The following RIMS2 variants were observed in gnomAD, a reference collection of about 807,000 sequenced individuals.
RIMS2 encodes the protein regulating synaptic membrane exocytosis protein 2.
RIMS2 carries 59 observed loss-of-function variants against 174.4 expected under a neutral mutation model. The ratio of observed to expected loss-of-function variants is 0.34; its 90% CI spans 0.27 to 0.42. RIMS2 has a LOEUF of 0.42. Ranked by LOEUF, RIMS2 falls within the 10% of genes least tolerant of loss-of-function variation. The pLI is 1.00. For synonymous variants in RIMS2, 606 were observed against 572.5 expected (o/e 1.06, Z -0.84); for missense variants, 1,620 against 1,666.3 (o/e 0.97, Z 0.48).
At chr8:103,576,907 C>G (rs1221612716) in intron 1 of RIMS2, among the ~76,000 whole-genome samples, 1 of 152,106 alleles carries the variant, frequency 6.6e-6, no homozygotes, top group Admixed American at 6.5e-5. Flanking sequence ...TTCCTTACAC[C>G]TTATACAAAA....
chr8:104,144,828 CT>C (rs1227159179), intron 19 of RIMS2, among the ~76,000 whole-genome samples: 2 of 151,842 alleles, frequency 1.3e-5, no homozygotes, highest in East Asian at 1.9e-4. Context: ...AATATTGCTT[CT>C]TTTTTTTATA....
intron 19 of RIMS2, among the ~76,000 whole-genome samples, chr8:104,126,989 A>G (rs948001630): frequency 3.3e-5 from 5 of 152,176 alleles, no homozygotes; most frequent in African/African-American, 1.2e-4. Context: ...ATTCAGCTCA[A>G]AGTTCTAAAT....
chr8:103,642,783 AATTCTT>A (rs2096256030), intron 1 of RIMS2, among the ~76,000 whole-genome samples: 1 of 151,966 alleles, frequency 6.6e-6, no homozygotes, highest in African/African-American at 2.4e-5. Flanking sequence ...AGTCTGATGT[AATTCTT>A]ATACTGTTTC....
At chr8:103,810,959 C>T (rs1484284841) in intron 3 of RIMS2, among the ~76,000 whole-genome samples, 1 of 151,468 alleles carries the variant, frequency 6.6e-6, no homozygotes, top group Non-Finnish European at 1.5e-5. Flanking sequence ...TTTCTAATAT[C>T]TTATATAATA....
chr8:103,898,135 G>A (rs1246286665), intron 4 of RIMS2, among the ~76,000 whole-genome samples: 3 of 151,580 alleles, frequency 2.0e-5, no homozygotes, highest in Admixed American at 2.0e-4. Flanking sequence ...TGGTGTTACA[G>A]GCCTCTGAAT....
intron 19 of RIMS2, among the ~76,000 whole-genome samples, chr8:104,161,662 T>G (rs575844538): frequency 2.0e-5 from 3 of 152,342 alleles, no homozygotes; most frequent in Non-Finnish European, 4.4e-5. Flanking sequence ...ATCATTAGCT[T>G]AGCAACTTAA....
chr8:104,244,782 T>C, intron 19 of RIMS2, 134 bp from the exon 26 acceptor site: 1 of 674,264 alleles, frequency 1.5e-6, no homozygotes, highest in Non-Finnish European at 2.6e-6. Flanking sequence ...AAATACCTTT[T>C]CTTTCTGCCT....
At chr8:103,642,271 G>T (rs922906161) in intron 1 of RIMS2, among the ~76,000 whole-genome samples, 14 of 151,964 alleles carry the variant, frequency 9.2e-5, no homozygotes, top group African/African-American at 3.4e-4. Flanking sequence ...TATTTACAAT[G>T]AATCCAAGTC....
At chr8:103,565,360 A>T (rs1408714776) in intron 1 of RIMS2, among the ~76,000 whole-genome samples, 1 of 151,998 alleles carries the variant, frequency 6.6e-6, no homozygotes, top group African/African-American at 2.4e-5. Flanking sequence ...GCTGGAGTGC[A>T]GCGGTGCCAT....
chr8:104,130,861 G>A (rs2098468543), intron 19 of RIMS2, among the ~76,000 whole-genome samples: 1 of 152,094 alleles, frequency 6.6e-6, no homozygotes, highest in South Asian at 2.1e-4. Context: ...GAAAAAAGCA[G>A]ATGTCAAGGC....
At chr8:103,982,216 C>A (rs1418810685) in intron 16 of RIMS2, among the ~76,000 whole-genome samples, 1 of 151,892 alleles carries the variant, frequency 6.6e-6, no homozygotes, top group Non-Finnish European at 1.5e-5. Flanking sequence ...AATAGCTTAA[C>A]AGATCAATAA....
At chr8:103,852,799 A>T (rs1405845231) in intron 3 of RIMS2, among the ~76,000 whole-genome samples, 1 of 151,780 alleles carries the variant, frequency 6.6e-6, no homozygotes, top group Non-Finnish European at 1.5e-5. Flanking sequence ...TCTTTATCCA[A>T]TCTGTCATTG....
chr8:103,984,194 A>G (rs2094165903), intron 16 of RIMS2, among the ~76,000 whole-genome samples: 1 of 152,150 alleles, frequency 6.6e-6, no homozygotes, highest in Non-Finnish European at 1.5e-5. Flanking sequence ...AGGAAAAAAA[A>G]AAGTAGACAA....
chr8:103,537,782 A>G (rs1022526162), intron 1 of RIMS2, among the ~76,000 whole-genome samples: 3 of 152,094 alleles, frequency 2.0e-5, no homozygotes, highest in Admixed American at 2.0e-4. Flanking sequence ...AGTCTTTGCC[A>G]TGGTCTTTTG....
chr8:103,760,418 G>A (rs2098097278), intron 2 of RIMS2, among the ~76,000 whole-genome samples: 1 of 152,180 alleles, frequency 6.6e-6, no homozygotes, highest in African/African-American at 2.4e-5. Context: ...AATTGCCTAA[G>A]GAATCCTATT....
chr8:104,185,806 T>G (rs549259030), intron 19 of RIMS2, among the ~76,000 whole-genome samples: 5 of 151,782 alleles, frequency 3.3e-5, no homozygotes, highest in Non-Finnish European at 5.9e-5. Flanking sequence ...AAAATCACTA[T>G]GAAAAACAGT....
intron 2 of RIMS2, among the ~76,000 whole-genome samples, chr8:103,706,978 A>C (rs1364215134): frequency 2.0e-5 from 3 of 151,518 alleles, no homozygotes; most frequent in Non-Finnish European, 4.4e-5. Flanking sequence ...CATTTCTTTC[A>C]TTTATTTTCT....
chr8:103,746,629 G>T (rs1193596479), intron 2 of RIMS2, among the ~76,000 whole-genome samples: 3 of 151,974 alleles, frequency 2.0e-5, no homozygotes, highest in African/African-American at 7.2e-5. Context: ...AAAGGCCACA[G>T]TGTGTGTGTT....
chr8:103,867,480 C>T (rs2099089368), intron 3 of RIMS2, among the ~76,000 whole-genome samples: 1 of 151,710 alleles, frequency 6.6e-6, no homozygotes, highest in Non-Finnish European at 1.5e-5. Context: ...GTCATCAGAA[C>T]TAACCTTTTA....
Sources: allele counts gnomAD v4.1 joint callset (sites outside exome capture counted in the v4.1 genomes callset), GRCh38; gene constraint gnomAD v4.1.1; transcripts MANE v1.5; gene names NCBI Gene and HGNC (gene_info 2026-07-23, HGNC 2026-07-21).